LARP4B: variants seen among roughly 807,000 people sequenced by gnomAD.
The protein encoded by LARP4B is la-related protein 4B.
Under a neutral mutation model 89.8 loss-of-function variants are expected in LARP4B, and 12 were observed. The observed-to-expected ratio is 0.13, with a 90% CI of 0.09 to 0.22. LARP4B has a LOEUF of 0.22. LARP4B is among the 10% of genes least tolerant of loss of function. The pLI is 1.00. For missense variants in LARP4B, 757 were observed against 947.7 expected, an observed-to-expected ratio of 0.80 and a Z score of 2.64; for synonymous variants, 367 against 363.3, an observed-to-expected ratio of 1.01 and a Z score of -0.12.
chr10:896,961 C>T (rs1836205828), intron 1 of LARP4B, among the ~76,000 whole-genome samples: 1 of 151,518 alleles, frequency 6.6e-6, no homozygotes, highest in Non-Finnish European at 1.5e-5. Flanking sequence ...CAATATAATC[C>T]CTATCAAAAT....
intron 8 of LARP4B, among the ~76,000 whole-genome samples, chr10:833,751 T>G (rs1833051294): frequency 6.6e-6 from 1 of 152,068 alleles, no homozygotes; most frequent in Admixed American, 6.5e-5. Flanking sequence ...TAGCTTGGCA[T>G]GGTGGCGCAT....
chr10:833,133 A>G (rs1048947819), intron 8 of LARP4B, among the ~76,000 whole-genome samples: 13 of 152,162 alleles, frequency 8.5e-5, no homozygotes, highest in African/African-American at 3.1e-4. Flanking sequence ...GGGTCAGCTA[A>G]AAACCCTAAA....
chr10:840,097 T>C (rs542246521), intron 7 of LARP4B, among the ~76,000 whole-genome samples: 1 of 149,558 alleles, frequency 6.7e-6, no homozygotes, highest in South Asian at 2.1e-4. Context: ...AGCAAATCAG[T>C]GGTTGCCTGG....
At position 812,691 on chromosome 10, in the gene LARP4B, C is replaced by T. The variant is rs930077727; in HGVS notation, c.*235G>A. 2.7e-6 allele frequency: 1 copy of T among 371,988 alleles called. No individual in the cohort carries two copies. The highest frequency in any genetic ancestry group is 2.1e-5 in the African/African-American group (1 of 48,098). 23.0% of individuals were successfully genotyped at this position (371,988 alleles called of 1,614,324 possible). On this transcript the variant is annotated 3_prime_UTR_variant, in exon 18 of 18. Transcript: ENST00000316157. ...CTTGGAAAAAAAAATCAGACTTATGCATCACCTCCAGTTAAGCACCAACCT... is the reference window on the plus strand; with the variant it reads ...CTTGGAAAAAAAAATCAGACTTATGTATCACCTCCAGTTAAGCACCAACCT...
At chr10:871,197 C>T (rs1166924795) in intron 3 of LARP4B, among the ~76,000 whole-genome samples, 2 of 152,258 alleles carry the variant, frequency 1.3e-5, no homozygotes, top group Admixed American at 1.3e-4. Context: ...GACACACTGA[C>T]TGAACTCTTC....
At chr10:838,701 G>T (rs1022462194) in intron 7 of LARP4B, among the ~76,000 whole-genome samples, 4 of 152,130 alleles carry the variant, frequency 2.6e-5, no homozygotes, top group Admixed American at 2.0e-4. Context: ...GAGACACTTT[G>T]GTGGCTTCTT....
intron 8 of LARP4B, among the ~76,000 whole-genome samples, chr10:835,534 G>A (rs908427693): frequency 2.0e-4 from 31 of 152,282 alleles, no homozygotes; most frequent in African/African-American, 7.5e-4. Flanking sequence ...CTTCTACAAA[G>A]ACTTTACCTC....
intron 1 of LARP4B, among the ~76,000 whole-genome samples, chr10:922,510 C>T (rs11253513): frequency 0.19 from 28,810 of 151,824 alleles, 2,941 homozygotes; most frequent in Non-Finnish European, 0.23. Flanking sequence ...GGCCAGGAGA[C>T]TGAGGCCAGC....
chr10:844,655 T>C (rs1833686589), intron 6 of LARP4B, among the ~76,000 whole-genome samples: 1 of 152,118 alleles, frequency 6.6e-6, no homozygotes, highest in Non-Finnish European at 1.5e-5. Context: ...TCTCAGTGTC[T>C]GGTGTGCTTT....
rs1014604220 is a variant in LARP4B, at chr10:810,511, T to TA, written c.*2414_*2415insT. On this transcript the variant is annotated 3_prime_UTR_variant, in exon 18 of 18. Coordinates refer to ENST00000316157, the MANE Select transcript of LARP4B (RefSeq NM_015155.3). ...CGCGCTGCCCTCCTCATGCAGCTGT[T>TA]GAGCTCCCACTTCGGTCGACAAAGT... The TA allele has an allele frequency of 2.2e-4, 34 of 152,376 alleles. No homozygotes were observed. Among genetic ancestry groups the TA allele is most frequent in the African/African-American group, 7.2e-4 (30 of 41,582 alleles). 9.4% of individuals were successfully genotyped at this position (152,376 alleles called of 1,614,324 possible).
At chr10:882,831 C>CT (rs555951343) in intron 3 of LARP4B, among the ~76,000 whole-genome samples, 276 of 152,298 alleles carry the variant, frequency 1.8e-3, no homozygotes, top group Middle Eastern at 3.4e-3. Flanking sequence ...CTACTCAACT[C>CT]TGACAGAATG....
chr10:885,179 C>T (rs1835815042), intron 2 of LARP4B, among the ~76,000 whole-genome samples: 1 of 152,166 alleles, frequency 6.6e-6, no homozygotes, highest in Non-Finnish European at 1.5e-5. Context: ...TCCAGAGGGG[C>T]CCTGCTCTGT....
downstream of LARP4B, chr10:809,295 G>T (rs1182324705): frequency 1.3e-5 from 2 of 152,196 alleles, no homozygotes; most frequent in Non-Finnish European, 2.9e-5. Flanking sequence ...AGTACATCTT[G>T]GCAGTCACAG....
At chr10:833,273 A>AAAC in intron 8 of LARP4B, among the ~76,000 whole-genome samples, 1 of 144,628 alleles carries the variant, frequency 6.9e-6, no homozygotes, top group Non-Finnish European at 1.6e-5. Flanking sequence ...AAAAAAAAAA[A>AAAC]AAAAAAAAAA....
At chr10:854,673 T>G (rs1193042438) in intron 5 of LARP4B, among the ~76,000 whole-genome samples, 1 of 152,180 alleles carries the variant, frequency 6.6e-6, no homozygotes, top group Non-Finnish European at 1.5e-5. Flanking sequence ...GCTTTGTTGT[T>G]CCACTTAAAG....
chr10:848,094 G>C (rs893220616), intron 5 of LARP4B, among the ~76,000 whole-genome samples: 8 of 152,162 alleles, frequency 5.3e-5, no homozygotes, highest in African/African-American at 1.9e-4. Context: ...CAAGGCTCGT[G>C]GAAGAACCAC....
At chr10:910,880 G>A (rs753203000) in intron 1 of LARP4B, among the ~76,000 whole-genome samples, 2 of 152,146 alleles carry the variant, frequency 1.3e-5, no homozygotes, top group Non-Finnish European at 2.9e-5. Flanking sequence ...CCTCCAGATG[G>A]GTGTGAGGGT....
At chr10:828,078 T>G (rs1442824816) in intron 11 of LARP4B, among the ~76,000 whole-genome samples, 1 of 152,064 alleles carries the variant, frequency 6.6e-6, no homozygotes, top group African/African-American at 2.4e-5. Context: ...TGGTTTCATT[T>G]CTCCGCTTAG....
chr10:907,169 A>G (rs2132006463), intron 1 of LARP4B, among the ~76,000 whole-genome samples: 1 of 152,326 alleles, frequency 6.6e-6, no homozygotes, highest in East Asian at 1.9e-4. Context: ...CTCGGAGGTC[A>G]GAAATATGTC....
Sources: gnomAD v4.1 joint callset for allele counts (sites outside exome capture counted in the v4.1 genomes callset) on GRCh38, gnomAD v4.1.1 for gene constraint, MANE v1.5 for transcripts, NCBI Gene and HGNC (gene_info 2026-07-23, HGNC 2026-07-21) for gene names.